The following CTBP2 variants were observed in gnomAD, a reference collection of about 807,000 sequenced individuals.
CTBP2 encodes the protein C-terminal-binding protein 2.
CTBP2 carries 30 observed loss-of-function variants against 80.3 expected under a neutral mutation model. The observed-to-expected ratio is 0.37, with a 90% CI of 0.28 to 0.51. The LOEUF (loss-of-function observed/expected upper bound fraction) is 0.51, where lower values mean the gene tolerates loss of function less well. CTBP2 is among the 20% of genes least tolerant of loss of function. The pLI is 0.93. For synonymous variants in CTBP2, 594 were observed against 587.4 expected (o/e 1.01, Z -0.16); for missense variants, 1,212 against 1,375.3 (o/e 0.88, Z 1.88).
At chr10:125,029,225 T>A (rs1013066731), upstream of CTBP2, among the ~76,000 whole-genome samples, 2 of 142,812 alleles carry the variant, frequency 1.4e-5, no homozygotes, top group African/African-American at 5.4e-5. Flanking sequence ...AGTCTTTAAA[T>A]TTTTTTTTTT....
At chr10:124,992,960 G>C in intron 7 of CTBP2, 148 bp from the exon 10 acceptor site, 2 of 823,574 alleles carry the variant, frequency 2.4e-6, no homozygotes, top group Non-Finnish European at 1.9e-6. Context: ...CTTCAACACT[G>C]ACCTTCAGCC....
At chr10:125,012,308 T>C (rs574288230) in intron 1 of CTBP2, among the ~76,000 whole-genome samples, 8 of 152,238 alleles carry the variant, frequency 5.3e-5, no homozygotes, top group Admixed American at 2.0e-4. Context: ...TCCCACTGGG[T>C]GAGGCTCTGC....
intron 1 of CTBP2, among the ~76,000 whole-genome samples, chr10:125,153,542 G>A (rs536813162): frequency 1.3e-3 from 193 of 152,206 alleles, no homozygotes; most frequent in African/African-American, 4.3e-3. Context: ...GAGAAACCTC[G>A]AATGCTCTGT....
At chr10:125,060,166 G>A (rs1239527593) in intron 2 of CTBP2, among the ~76,000 whole-genome samples, 1 of 152,178 alleles carries the variant, frequency 6.6e-6, no homozygotes, top group Non-Finnish European at 1.5e-5. Context: ...ATGTACACAA[G>A]CATTCCCCAC....
chr10:124,988,655 T>C lies in CTBP2; in HGVS notation c.*863A>G, dbSNP rs1173079819. The C allele has an allele frequency of 7.3e-6, 1 of 136,570 alleles. No homozygotes were observed. The highest frequency in any genetic ancestry group is 1.7e-5 in the Non-Finnish European group (1 of 60,274). 8.5% of individuals were successfully genotyped at this position (136,570 alleles called of 1,614,324 possible). ...ATCTAATACATCTGAAGTGTTCTTG[T>C]ATAAAATATCACGTGAAGAAAAGAA... On this transcript the variant is annotated 3_prime_UTR_variant, in exon 9 of 9. Transcript: ENST00000309035.
upstream of CTBP2, among the ~76,000 whole-genome samples, chr10:125,031,803 C>T (rs750895884): frequency 3.9e-5 from 6 of 152,210 alleles, no homozygotes; most frequent in African/African-American, 9.7e-5. Context: ...GCCTGGAGCG[C>T]GGAGGCTTGG....
intron 1 of CTBP2, among the ~76,000 whole-genome samples, chr10:125,013,684 G>A (rs980523857): frequency 3.3e-5 from 5 of 152,188 alleles, no homozygotes; most frequent in Admixed American, 6.5e-5. Flanking sequence ...AGCAGGTAAC[G>A]GAGGCGGGGG....
upstream of CTBP2, among the ~76,000 whole-genome samples, chr10:125,032,362 C>G (rs1457684067): frequency 2.0e-5 from 3 of 152,222 alleles, no homozygotes; most frequent in Non-Finnish European, 2.9e-5. Context: ...CCATCACACT[C>G]CACTGTTTGA....
chr10:125,122,305 G>A (rs1164376797), intron 1 of CTBP2, among the ~76,000 whole-genome samples: 1 of 152,236 alleles, frequency 6.6e-6, no homozygotes, highest in African/African-American at 2.4e-5. Flanking sequence ...CTCACATGAT[G>A]AACATATAAA....
chr10:125,040,582 C>T (rs186821590), intron 2 of CTBP2, among the ~76,000 whole-genome samples: 89 of 132,970 alleles, frequency 6.7e-4, no homozygotes, highest in Middle Eastern at 3.7e-3. Flanking sequence ...TATTTTAAGA[C>T]CACCACCACA....
intron 1 of CTBP2, among the ~76,000 whole-genome samples, chr10:125,157,172 A>T (rs1861070329): frequency 6.6e-6 from 1 of 152,244 alleles, no homozygotes; most frequent in African/African-American, 2.4e-5. Context: ...TTCCACACAT[A>T]AATTGCAACT....
intron 1 of CTBP2, among the ~76,000 whole-genome samples, chr10:125,138,878 G>A (rs1016933493): frequency 6.6e-6 from 1 of 152,160 alleles, no homozygotes; most frequent in African/African-American, 2.4e-5. Context: ...ACTGTGCAAA[G>A]GAACCGGCTT....
Position 125,127,476 on chromosome 10 carries a change from A to T in CTBP2, c.-205-16383T>A, listed in dbSNP as rs146567952. On this transcript the variant is annotated intron_variant, in intron 1 of 10. Coordinates refer to the CTBP2 transcript ENST00000337195. ...AACGCCTATCAAAAGCCCAGCTGAG[A>T]TCAATAATTTTTTGGGAGAACAGAC... Among the ~76,000 whole-genome samples, 186 of 152,282 alleles carry T rather than the reference A, an allele frequency of 1.2e-3. 2 individuals carry two copies. The highest frequency in any genetic ancestry group is 4.3e-3 in the African/African-American group (180 of 41,556).
intron 1 of CTBP2, among the ~76,000 whole-genome samples, chr10:125,139,573 T>G (rs1361961305): frequency 6.6e-6 from 1 of 152,090 alleles, no homozygotes; most frequent in Non-Finnish European, 1.5e-5. Flanking sequence ...TTTTTTGGAC[T>G]CTGGGAGCTT....
intron 1 of CTBP2, chr10:125,026,055 G>A (rs928270144): frequency 6.5e-7 from 1 of 1,537,088 alleles, no homozygotes; most frequent in Non-Finnish European, 8.8e-7. Context: ...AGGTCCCCAG[G>A]CAGGGCAGGC....
chr10:125,124,306 C>T (rs1854845682), intron 1 of CTBP2, among the ~76,000 whole-genome samples: 1 of 152,198 alleles, frequency 6.6e-6, no homozygotes, highest in African/African-American at 2.4e-5. Context: ...TTAGGAAGGG[C>T]TGGCATACTC....
intron 1 of CTBP2, among the ~76,000 whole-genome samples, chr10:125,156,349 T>A (rs1036535696): frequency 7.9e-5 from 12 of 152,202 alleles, no homozygotes; most frequent in Admixed American, 2.6e-4. Flanking sequence ...GAAATGACAG[T>A]GGTAAAAAAA....
intron 1 of CTBP2, among the ~76,000 whole-genome samples, chr10:125,159,501 GGCGGCA>G (rs973218197): frequency 6.8e-6 from 1 of 147,802 alleles, no homozygotes; most frequent in African/African-American, 2.4e-5. Flanking sequence ...CAGTGGCGGC[GGCGGCA>G]GCGGCAGCAG....
At chr10:125,142,788 C>CAACA in intron 1 of CTBP2, among the ~76,000 whole-genome samples, 1 of 152,252 alleles carries the variant, frequency 6.6e-6, no homozygotes, top group East Asian at 1.9e-4. Context: ...TTGAAATCAG[C>CAACA]AACACCCAGA....
Sources: allele counts gnomAD v4.1 joint callset (sites outside exome capture counted in the v4.1 genomes callset), GRCh38; gene constraint gnomAD v4.1.1; transcripts MANE v1.5; gene names NCBI Gene and HGNC (gene_info 2026-07-23, HGNC 2026-07-21).